The following MUC4 variants were observed in gnomAD, a reference collection of about 807,000 sequenced individuals.
MUC4 encodes mucin-4.
Under a neutral mutation model 257.9 loss-of-function variants are expected in MUC4, and 202 were observed. That is an observed-to-expected ratio of 0.78 (90% CI 0.70 to 0.88). MUC4 has a LOEUF of 0.88. MUC4 is among the 40% of genes least tolerant of loss of function. MUC4 has a pLI of 0.00. For missense variants in MUC4, 5,976 were observed against 6,513.7 expected (o/e 0.92, Z 2.84); for synonymous variants, 2,351 against 2,757.1 (o/e 0.85, Z 4.62).
Position 195,781,192 on chromosome 3 carries a change from G to A in MUC4, c.10388C>T (p.Ser3463Phe), listed in dbSNP as rs766992370. 7.1e-7 allele frequency: 1 copy of A among 1,409,618 alleles called. No individual in the cohort carries two copies. The highest frequency in any genetic ancestry group is 9.5e-7 in the Non-Finnish European group (1 of 1,055,676). The allele number at this position is 1,409,618 out of a possible 1,614,324, so 87.3% of individuals were successfully genotyped here. A position where few individuals can be genotyped will look rare whatever the true frequency, so the allele number is the denominator to read the frequency against. The change falls in exon 2 of 25, where the codon TCC becomes TTC. Residue 3463 changes from serine to phenylalanine, a missense_variant. Coordinates refer to ENST00000463781, the MANE Select transcript of MUC4 (RefSeq NM_018406.7). ...HTTPLPVTDT[S>F]SASTGDTTPL... is the part of the protein sequence containing the mutation. ...GGTGGTGTCACCTGTGGATGCTGAGGAAGTGTCGGTGACAGGAAGAGGGGT... is the reference window on the plus strand; with the variant it reads ...GGTGGTGTCACCTGTGGATGCTGAGAAAGTGTCGGTGACAGGAAGAGGGGT...
At position 195,790,457 on chromosome 3, in the gene MUC4, T is replaced by C. The variant is rs1437958668; in HGVS notation, c.1123A>G (p.Thr375Ala). ...VSQETFPSGE[T>A]TTSSPSSVSN... ...ACACTGGAAGGGGATGAGGTGGTTG[T>C]TTCACCAGAAGGGAATGTCTCCTGA... The change falls in exon 2 of 25, where the codon ACA becomes GCA. Residue 375 changes from threonine to alanine, a missense_variant. Thr to Ala is a moderately conservative substitution (Grantham distance 58, BLOSUM62 0). Coordinates refer to ENST00000463781, the MANE Select transcript of MUC4 (RefSeq NM_018406.7). 1 of 1,613,940 alleles carries C rather than the reference T, an allele frequency of 6.2e-7. No individual in the cohort carries two copies.
intron 1 of MUC4, 92 bp downstream of exon 1, chr3:195,811,644 C>G: frequency 7.3e-6 from 8 of 1,101,990 alleles, no homozygotes; most frequent in South Asian, 1.4e-5. Context: ...CTCTCTCTCT[C>G]TCTCTGTCTC....
intron 24 of MUC4, among the ~76,000 whole-genome samples, chr3:195,747,965 C>T (rs529141186): frequency 1.1e-4 from 16 of 152,220 alleles, no homozygotes. Context: ...AGTCACACCC[C>T]CGCCCCAGCC....
chr3:195,784,707 G>C lies in MUC4; in HGVS notation c.6873C>G (p.Val2291=), dbSNP rs753824871. The change falls in exon 2 of 25, where the codon GTC becomes GTG. Residue 2291 remains valine (V), a synonymous_variant. Transcript: ENST00000463781. ...VSTGDTTPLP[V]TSPSSASTGH... The stretch of plus-strand genomic sequence containing the variant: ...CTGTGGATGCTGAGGAAGGGCTAGT[G>C]ACAGGAAGAGGAGTGGTGTCACCTG... 7.1e-7 allele frequency: 1 copy of C among 1,410,018 alleles called. No homozygotes were observed. The highest frequency in any genetic ancestry group is 9.4e-7 in the Non-Finnish European group (1 of 1,063,820). 87.3% of individuals were successfully genotyped at this position (1,410,018 alleles called of 1,614,324 possible). A position where few individuals can be genotyped will look rare whatever the true frequency, so the allele number is the denominator to read the frequency against.
rs772989469 is a variant in MUC4 at position 195,780,624 on chromosome 3, G to C, written c.10956C>G (p.Thr3652=). 21 of 1,495,146 alleles carry C rather than the reference G, an allele frequency of 1.4e-5. No individual in the cohort carries two copies. Among genetic ancestry groups the C allele is most frequent in the South Asian group, 3.7e-5 (3 of 82,134 alleles). 92.6% of individuals were successfully genotyped at this position (1,495,146 alleles called of 1,614,324 possible). ...GACCTGTGGATACTGAGGAAGCGTC[G>C]GTGACAAGAAGAGGGGTGGTGTCAC... ...STGDTTPLLV[T]DASSVSTGHA... The change falls in exon 2 of 25, where the codon ACC becomes ACG. Residue 3652 remains threonine (T), a synonymous_variant. Transcript: ENST00000463781.
chr3:195,778,838 A>C lies in MUC4; in HGVS notation c.12742T>G (p.Ser4248Ala), dbSNP rs568947651. The change falls in exon 2 of 25, where the codon TCA becomes GCA. Residue 4248 changes from serine (S) to alanine (A), a missense_variant. By Grantham distance (99) the Ser-to-Ala change is moderately conservative. This residue lies in a region of MUC4 where 233 missense variants were observed against 171.2 expected (regional missense o/e 1.36). Transcript: ENST00000463781. Reference protein sequence around the residue: ...ATPLAVSSATSASTVSSDSPL... With the variant: ...ATPLAVSSATAASTVSSDSPL... ...GAGTCCGAGGATACTGTGGAAGCTG[A>C]GGTAGCACTGCTGACAGCAAGAGGG... 2.9e-5 allele frequency: 47 copies of C among 1,612,238 alleles called. No individual in the cohort carries two copies. The highest frequency in any genetic ancestry group is 3.9e-5 in the Non-Finnish European group (46 of 1,179,464).
chr3:195,756,070 T>C (rs1301162551), intron 18 of MUC4, among the ~76,000 whole-genome samples: 4 of 152,218 alleles, frequency 2.6e-5, no homozygotes, highest in Non-Finnish European at 5.9e-5. Context: ...ATGTTTCTTT[T>C]AGCTGGAAGG....
chr3:195,758,892 A>G (rs1341742190), intron 17 of MUC4, among the ~76,000 whole-genome samples: 1 of 152,070 alleles, frequency 6.6e-6, no homozygotes, highest in Admixed American at 6.6e-5. Context: ...CTATGTGCCC[A>G]GAGTCACTCT....
intron 3 of MUC4, among the ~76,000 whole-genome samples, chr3:195,777,999 G>A (rs73205734): frequency 0.03 from 4,548 of 149,238 alleles, 139 homozygotes; most frequent in Middle Eastern, 0.049. Flanking sequence ...CTCCATCCCC[G>A]GCTCTGCATT....
chr3:195,747,965 C>G (rs529141186), intron 24 of MUC4, among the ~76,000 whole-genome samples: 1 of 152,334 alleles, frequency 6.6e-6, no homozygotes, highest in African/African-American at 2.4e-5. Context: ...AGTCACACCC[C>G]CGCCCCAGCC....
chr3:195,754,785 T>C (rs947221231), intron 18 of MUC4, among the ~76,000 whole-genome samples: 3 of 152,056 alleles, frequency 2.0e-5, no homozygotes, highest in African/African-American at 7.3e-5. Flanking sequence ...TATGTATGTG[T>C]GTATCCATGC....
chr3:195,805,601 C>T (rs1034275912), intron 1 of MUC4, among the ~76,000 whole-genome samples: 3 of 152,118 alleles, frequency 2.0e-5, no homozygotes, highest in Admixed American at 1.3e-4. Context: ...GAATCAAGTG[C>T]TTCTCCTGCC....
At chr3:195,761,719 G>C (rs1170373915) in intron 14 of MUC4, 134 bp from the exon 15 acceptor site, 4 of 688,592 alleles carry the variant, frequency 5.8e-6, no homozygotes, top group Non-Finnish European at 9.9e-6. Context: ...AGGCCTCCAG[G>C]GGAGCCGGGA....
rs755750296 is a variant in MUC4 at position 195,765,291 on chromosome 3, G to A, written c.13777C>T (p.Arg4593Ter). Residue 4593 changes from arginine (R) to a stop codon, truncating the protein, a stop_gained, in exon 9 of 25, where the codon CGA becomes TGA. Transcript: ENST00000463781. LOFTEE classifies it high-confidence loss of function. Reference protein sequence around the residue: ...CSWQQGRRDLRFQPVSIGRWG... With the variant: ...CSWQQGRRDL ...TCACCTATGCTGACGGGTTGGAATC[G>A]TAAGTCCCGTCGTCCCTGCTGCCAG... 1.8e-5 allele frequency: 29 copies of A among 1,612,902 alleles called. No homozygotes were observed. The highest frequency in any genetic ancestry group is 6.7e-5 in the East Asian group (3 of 44,880).
At chr3:195,805,010 G>C (rs1418841170) in intron 1 of MUC4, among the ~76,000 whole-genome samples, 1 of 151,914 alleles carries the variant, frequency 6.6e-6, no homozygotes, top group Non-Finnish European at 1.5e-5. Flanking sequence ...TGTGGCCTTT[G>C]TTGCCTTCAG....
intron 15 of MUC4, among the ~76,000 whole-genome samples, 182 bp from the exon 16 acceptor site, chr3:195,761,299 C>T (rs1387786229): frequency 6.6e-6 from 1 of 152,164 alleles, no homozygotes; most frequent in East Asian, 1.9e-4. Flanking sequence ...CCACGTCCCC[C>T]ATTCTCTCCT....
Position 195,782,908 on chromosome 3 carries a change from G to A in MUC4, c.8672C>T (p.Thr2891Ile), listed in dbSNP as rs777053254. ...LPVTDASSVSTGHATPLPLTS... is the reference protein window; with the variant it reads ...LPVTDASSVSIGHATPLPLTS... ...GAGAGGAAGAGGGGTAGCGTGACCT[G>A]TGGACACTGAGGAAGCGTCGGTGAC... is the stretch of plus-strand genomic sequence containing the variant. The change falls in exon 2 of 25, where the codon ACA becomes ATA. Residue 2891 changes from threonine to isoleucine, a missense_variant. Around this residue, in one of 44 missense-constraint regions of MUC4, gnomAD observed 228 missense variants for 206.3 expected, o/e 1.11. Transcript: ENST00000463781. 8.6e-6 allele frequency: 13 copies of A among 1,516,156 alleles called. No homozygotes were observed. The highest frequency in any genetic ancestry group is 1.1e-5 in the Non-Finnish European group (12 of 1,124,758). The allele number at this position is 1,516,156 out of a possible 1,614,324, so 93.9% of individuals were successfully genotyped here. A position where few individuals can be genotyped will look rare whatever the true frequency, so the allele number is the denominator to read the frequency against.
rs2148731258 is a variant in MUC4, at chr3:195,746,920, A to G, written c.*256T>C. The G allele has an allele frequency of 1.7e-6, 1 of 592,906 alleles. No individual in the cohort carries two copies. The highest frequency in any genetic ancestry group is 4.4e-4 in the Middle Eastern group (1 of 2,268). The allele number at this position is 592,906 out of a possible 1,614,324, so 36.7% of individuals were successfully genotyped here. A position where few individuals can be genotyped will look rare whatever the true frequency, so the allele number is the denominator to read the frequency against. ...TGTGTGTGTGTGCACGCGCGCGTGC[A>G]CAGGCTAGTGTCCTTCTGTGGGTGT... On this transcript the variant is annotated 3_prime_UTR_variant, in exon 25 of 25. Transcript: ENST00000463781.
intron 23 of MUC4, 81 bp from the exon 24 acceptor site, chr3:195,749,145 C>A: frequency 6.5e-7 from 1 of 1,530,306 alleles, no homozygotes; most frequent in South Asian, 1.2e-5. Context: ...AATTCCTTTT[C>A]GGGTGTTTAT....
Sources: allele counts gnomAD v4.1 joint callset (sites outside exome capture counted in the v4.1 genomes callset), GRCh38; gene constraint gnomAD v4.1.1; regional missense constraint gnomAD v4.1.1; transcripts MANE v1.5; gene names NCBI Gene and HGNC (gene_info 2026-07-23, HGNC 2026-07-21).